The following PHLPP1 variants were observed in gnomAD, a reference collection of about 807,000 sequenced individuals.
PHLPP1 encodes PH domain leucine-rich repeat-containing protein phosphatase 1.
Under a neutral mutation model 117.2 loss-of-function variants are expected in PHLPP1, and 42 were observed. That is an observed-to-expected ratio of 0.36 (90% confidence interval 0.28 to 0.46). The LOEUF (loss-of-function observed/expected upper bound fraction) is 0.46, where lower values mean the gene tolerates loss of function less well. Ranked by LOEUF, PHLPP1 falls within the 20% of genes least tolerant of loss-of-function variation. The pLI is 1.00. For missense variants in PHLPP1, 2,084 were observed against 2,241.9 expected (o/e 0.93, Z 1.42); for synonymous variants, 1,042 against 970.7 (o/e 1.07, Z -1.37).
chr18:62,784,251 G>A (rs1913210886), intron 1 of PHLPP1, among the ~76,000 whole-genome samples: 1 of 152,208 alleles, frequency 6.6e-6, no homozygotes, highest in African/African-American at 2.4e-5. Context: ...TCATTGGACA[G>A]TGAAACATCC....
chr18:62,912,316 TAAAA>T (rs71340131), intron 8 of PHLPP1, among the ~76,000 whole-genome samples: 2 of 140,398 alleles, frequency 1.4e-5, no homozygotes, highest in Non-Finnish European at 3.1e-5. Flanking sequence ...AAAAAAAAAT[TAAAA>T]AAAAAATAAT....
intron 8 of PHLPP1, among the ~76,000 whole-genome samples, chr18:62,912,745 G>C (rs1286808867): frequency 6.6e-6 from 1 of 151,994 alleles, no homozygotes; most frequent in Admixed American, 6.6e-5. Context: ...CCAGCCTCCT[G>C]AGCAGCTGGG....
chr18:62,917,342 T>G (rs1909319168), intron 9 of PHLPP1, among the ~76,000 whole-genome samples: 1 of 151,440 alleles, frequency 6.6e-6, no homozygotes. Flanking sequence ...AAACAAATGC[T>G]TATTCAATGC....
chr18:62,779,473 G>A (rs1282610769), intron 1 of PHLPP1: 2 of 152,198 alleles, frequency 1.3e-5, no homozygotes, highest in Non-Finnish European at 2.9e-5. Flanking sequence ...GAGACACACA[G>A]CAGGTGCTTG....
intron 9 of PHLPP1, among the ~76,000 whole-genome samples, chr18:62,919,344 A>G (rs747420486): frequency 3.2e-4 from 48 of 152,220 alleles, no homozygotes; most frequent in Non-Finnish European, 4.4e-4. Context: ...TCTCAAGAAA[A>G]CAGTGGATTA....
In PHLPP1 at chr18:62,894,690, C is replaced by T. The variant is rs189579578; in HGVS notation, c.2067-321C>T. Among the ~76,000 whole-genome samples the T allele has an allele frequency of 3.3e-5, 5 of 152,322 alleles. No homozygotes were observed. In the East Asian group the frequency reaches 7.7e-4, roughly 23 times the overall value. ...GGTCCCTTTCCTCCTTCACTGGGGC[C>T]ATTTACACTGTGTTAATTAAGCTAA... On this transcript the variant is annotated intron_variant, in intron 4 of 16. Coordinates refer to ENST00000262719, the MANE Select transcript of PHLPP1 (RefSeq NM_194449.4).
chr18:62,718,430 A>AATCTTTAC (rs1307691916), intron 1 of PHLPP1, among the ~76,000 whole-genome samples: 1 of 152,226 alleles, frequency 6.6e-6, no homozygotes, highest in African/African-American at 2.4e-5. Context: ...TGCATGAAGA[A>AATCTTTAC]ATCTTTACAT....
intron 1 of PHLPP1, among the ~76,000 whole-genome samples, chr18:62,759,068 G>T (rs1051177321): frequency 6.6e-5 from 10 of 152,168 alleles, no homozygotes; most frequent in African/African-American, 1.7e-4. Flanking sequence ...AGGATAGAGA[G>T]AACAGTCCTT....
intron 4 of PHLPP1, among the ~76,000 whole-genome samples, chr18:62,871,333 T>C (rs1915895213): frequency 6.6e-6 from 1 of 152,118 alleles, no homozygotes; most frequent in Admixed American, 6.6e-5. Flanking sequence ...TGTTTTTGTT[T>C]TTGTTTTTTT....
At chr18:62,929,735 G>T (rs1326272606) in intron 10 of PHLPP1, among the ~76,000 whole-genome samples, 1 of 152,132 alleles carries the variant, frequency 6.6e-6, no homozygotes, top group Non-Finnish European at 1.5e-5. Flanking sequence ...ATAGCTTGAG[G>T]TTAGGAGTTT....
intron 1 of PHLPP1, among the ~76,000 whole-genome samples, chr18:62,724,338 A>G (rs769271699): frequency 6.6e-6 from 1 of 152,260 alleles, no homozygotes; most frequent in Non-Finnish European, 1.5e-5. Context: ...AGCTTTATTT[A>G]TGGTGAGCTG....
chr18:62,838,493 C>G (rs1384792577), intron 2 of PHLPP1: 2 of 261,802 alleles, frequency 7.6e-6, no homozygotes, highest in Non-Finnish European at 1.4e-5. Flanking sequence ...CCCCAGCACC[C>G]TATTGTGAGG....
rs145929494 is a variant in PHLPP1, at chr18:62,803,955, A to G, written c.1577-26080A>G. The stretch of plus-strand genomic sequence containing the variant: ...TGAAACTAAGATTTTTATTGGTTCT[A>G]TAGATATTGGGGGTGGGTGGGTGTG... On this transcript the variant is annotated intron_variant, in intron 1 of 16. Coordinates refer to ENST00000262719, the MANE Select transcript of PHLPP1 (RefSeq NM_194449.4). 5.8e-3 allele frequency among the ~76,000 whole-genome samples: 878 copies of G among 152,174 alleles called. 36 individuals carry two copies. Among genetic ancestry groups the G allele is most frequent in the Admixed American group, 0.051 (780 of 15,272 alleles).
chr18:62,896,085 C>A, intron 6 of PHLPP1, 74 bp downstream of exon 6: 1 of 841,614 alleles, frequency 1.2e-6, no homozygotes, highest in Non-Finnish European at 1.9e-6. Context: ...AGGTTATTAA[C>A]CAAGGCAAAC....
At chr18:62,786,785 A>G (rs565173897) in intron 1 of PHLPP1, among the ~76,000 whole-genome samples, 1 of 152,322 alleles carries the variant, frequency 6.6e-6, no homozygotes, top group South Asian at 2.1e-4. Flanking sequence ...CTCTTCTAAA[A>G]GCTACCAGTT....
Position 62,898,775 on chromosome 18 carries a change from G to C in PHLPP1, c.2444+2764G>C, listed in dbSNP as rs902722592. Among the ~76,000 whole-genome samples the C allele has an allele frequency of 2.6e-5, 4 of 151,842 alleles. No individual in the cohort carries two copies. In the South Asian group the frequency reaches 8.3e-4, roughly 32 times the overall value. On this transcript the variant is annotated intron_variant, in intron 6 of 16. Transcript: ENST00000262719. ...TTCTTGCTGTACAGGGAATCAACTA[G>C]TTTTTTTTATTTTGTTTTATTTATT...
chr18:62,905,055 T>C (rs2144408988), intron 7 of PHLPP1, among the ~76,000 whole-genome samples, 169 bp from the exon 8 acceptor site: 1 of 152,378 alleles, frequency 6.6e-6, no homozygotes, highest in East Asian at 1.9e-4. Context: ...GATTAAAAGT[T>C]CTTTTTTACT....
intron 1 of PHLPP1, among the ~76,000 whole-genome samples, chr18:62,749,363 G>A (rs1027707635): frequency 1.3e-5 from 2 of 152,078 alleles, no homozygotes; most frequent in African/African-American, 4.8e-5. Context: ...ATATGGAAAA[G>A]TATGTGGGAG....
intron 1 of PHLPP1, among the ~76,000 whole-genome samples, chr18:62,726,136 A>G (rs755719985): frequency 6.6e-6 from 1 of 152,010 alleles, no homozygotes; most frequent in African/African-American, 2.4e-5. Context: ...ACACACACAC[A>G]CGCATGTTCT....
Sources: allele counts gnomAD v4.1 joint callset (sites outside exome capture counted in the v4.1 genomes callset), GRCh38; gene constraint gnomAD v4.1.1; transcripts MANE v1.5; gene names NCBI Gene and HGNC (gene_info 2026-07-23, HGNC 2026-07-21).